The following TMEFF2 variants were observed in gnomAD, a reference collection of about 807,000 sequenced individuals.
TMEFF2 encodes transmembrane protein with EGF like and two follistatin like domains 2, also known as tomoregulin-2.
Under a neutral mutation model 53.8 loss-of-function variants are expected in TMEFF2, and 28 were observed. The ratio of observed to expected loss-of-function variants is 0.52; its 90% confidence interval spans 0.39 to 0.71. The LOEUF (loss-of-function observed/expected upper bound fraction) is 0.71, where lower values mean the gene tolerates loss of function less well. Ranked by LOEUF, TMEFF2 falls within the 30% of genes least tolerant of loss-of-function variation. The pLI is 0.00. For synonymous variants in TMEFF2, 162 were observed against 166.3 expected (o/e 0.97, Z 0.20); for missense variants, 353 against 455.2 (o/e 0.78, Z 2.04).
chr2:192,107,638 T>C (rs955460331), intron 4 of TMEFF2, among the ~76,000 whole-genome samples: 2 of 151,784 alleles, frequency 1.3e-5, no homozygotes, highest in African/African-American at 2.4e-5. Context: ...AAGTTTTTTA[T>C]AGACTTGGAA....
At chr2:192,125,983 T>C (rs1029306814) in intron 4 of TMEFF2, among the ~76,000 whole-genome samples, 10 of 152,170 alleles carry the variant, frequency 6.6e-5, no homozygotes, top group African/African-American at 2.2e-4. Flanking sequence ...CGTTTACTTA[T>C]ATAACAAACC....
chr2:191,961,517 C>T (rs1692272976), intron 7 of TMEFF2, among the ~76,000 whole-genome samples: 1 of 151,792 alleles, frequency 6.6e-6, no homozygotes, highest in Non-Finnish European at 1.5e-5. Flanking sequence ...TTACCCTCCC[C>T]GACTTACTGC....
At chr2:192,037,918 T>C (rs941513040) in intron 5 of TMEFF2, 3 of 152,268 alleles carry the variant, frequency 2.0e-5, no homozygotes, top group Non-Finnish European at 2.9e-5. Flanking sequence ...AAATTTGAGA[T>C]TGAACTCAAG....
At chr2:191,993,767 T>C (rs949004512) in intron 7 of TMEFF2, among the ~76,000 whole-genome samples, 17 of 152,074 alleles carry the variant, frequency 1.1e-4, no homozygotes, top group African/African-American at 4.1e-4. Context: ...TTCTATGCTC[T>C]AGGATGTTGT....
chr2:192,120,572 G>C (rs1574390486), intron 4 of TMEFF2, among the ~76,000 whole-genome samples: 2 of 152,134 alleles, frequency 1.3e-5, no homozygotes, highest in African/African-American at 4.8e-5. Context: ...GTGCCTTGTG[G>C]AGACTTTCTC....
chr2:192,081,498 T>A (rs1198713652), intron 4 of TMEFF2, among the ~76,000 whole-genome samples: 1 of 152,196 alleles, frequency 6.6e-6, no homozygotes, highest in Non-Finnish European at 1.5e-5. Context: ...TGAAATTTAA[T>A]TTCTACAGAA....
intron 4 of TMEFF2, chr2:192,177,715 A>G (rs1691080204): frequency 6.6e-6 from 1 of 151,122 alleles, no homozygotes; most frequent in Non-Finnish European, 1.5e-5. Context: ...AAGAAAATAA[A>G]GTGTTTTCCA....
chr2:192,054,187 T>C (rs936446873), intron 5 of TMEFF2, among the ~76,000 whole-genome samples: 10 of 151,426 alleles, frequency 6.6e-5, no homozygotes, highest in African/African-American at 2.4e-4. Flanking sequence ...ATACAAGATA[T>C]CATAGCCAAG....
At chr2:192,096,482 C>T (rs1288208586) in intron 4 of TMEFF2, among the ~76,000 whole-genome samples, 2 of 151,598 alleles carry the variant, frequency 1.3e-5, no homozygotes, top group Admixed American at 6.6e-5. Flanking sequence ...TTTATGCCTA[C>T]AAACAATTTT....
At chr2:192,185,958 T>C (rs531387861) in intron 2 of TMEFF2, among the ~76,000 whole-genome samples, 1 of 152,230 alleles carries the variant, frequency 6.6e-6, no homozygotes, top group Non-Finnish European at 1.5e-5. Flanking sequence ...ATGACAGTCA[T>C]ATTAAGATGA....
chr2:191,956,357 T>G lies in TMEFF2; in HGVS notation c.767A>C (p.Glu256Ala), dbSNP rs1692095052. 1.2e-6 allele frequency: 2 copies of G among 1,613,628 alleles called. No individual in the cohort carries two copies. The highest frequency in any genetic ancestry group is 1.7e-6 in the Non-Finnish European group (2 of 1,179,864). ...DYAENANKLE[E>A]SAREHHIPCP... ...AGGTATGTGGTGTTCTCTGGCACTTTCTTCTAATTTGTTAGCATTCTCTGT... is the reference window on the plus strand; with the variant it reads ...AGGTATGTGGTGTTCTCTGGCACTTGCTTCTAATTTGTTAGCATTCTCTGT... The change falls in exon 8 of 10, where the codon GAA becomes GCA. Residue 256 changes from glutamate (E) to alanine (A), a missense_variant. Around this residue, in one of 3 missense-constraint regions of TMEFF2, gnomAD observed 294 missense variants for 397.3 expected, o/e 0.74. Transcript: ENST00000272771.
At chr2:192,042,756 C>T (rs1021409475) in intron 5 of TMEFF2, among the ~76,000 whole-genome samples, 6 of 152,108 alleles carry the variant, frequency 3.9e-5, no homozygotes, top group South Asian at 2.1e-4. Context: ...CCACAGTGAG[C>T]GAATTAGAAA....
chr2:192,118,615 C>T (rs1689473631), intron 4 of TMEFF2, among the ~76,000 whole-genome samples: 1 of 152,144 alleles, frequency 6.6e-6, no homozygotes, highest in Non-Finnish European at 1.5e-5. Flanking sequence ...AGAGTGTATT[C>T]AGCACACCTA....
At chr2:191,957,785 A>G (rs916374002) in intron 7 of TMEFF2, among the ~76,000 whole-genome samples, 9 of 152,194 alleles carry the variant, frequency 5.9e-5, no homozygotes, top group Non-Finnish European at 8.8e-5. Flanking sequence ...ATGACATTTA[A>G]ATCATTAGTT....
chr2:192,188,823 T>TTTTC (rs72469535), intron 2 of TMEFF2, among the ~76,000 whole-genome samples: 1,731 of 60,090 alleles, frequency 0.029, 37 homozygotes, highest in Middle Eastern at 0.042. Context: ...TCCTCCCCGC[T>TTTTC]TTTCTATCTA....
intron 8 of TMEFF2, among the ~76,000 whole-genome samples, chr2:191,954,078 C>G (rs575367393): frequency 1.4e-3 from 206 of 151,718 alleles, no homozygotes; most frequent in African/African-American, 4.7e-3. Flanking sequence ...TAGTAGAGAC[C>G]GGGTTTCACC....
intron 7 of TMEFF2, among the ~76,000 whole-genome samples, chr2:191,991,127 GT>G (rs1686094751): frequency 6.6e-6 from 1 of 152,016 alleles, no homozygotes; most frequent in Non-Finnish European, 1.5e-5. Context: ...AATTTGCTTT[GT>G]GAATATTTAG....
At chr2:192,164,783 T>A (rs183139353) in intron 4 of TMEFF2, among the ~76,000 whole-genome samples, 101 of 152,144 alleles carry the variant, frequency 6.6e-4, no homozygotes, top group Middle Eastern at 3.4e-3. Flanking sequence ...TTTATTTGCA[T>A]GGTTCATGTC....
chr2:192,179,678 A>G lies in TMEFF2; in HGVS notation c.429T>C (p.Ser143=). The G allele has an allele frequency of 6.5e-7, 1 of 1,540,442 alleles. No individual in the cohort carries two copies. Among genetic ancestry groups the G allele is most frequent in the Non-Finnish European group, 8.7e-7 (1 of 1,149,432 alleles). Residue 143 remains serine, a synonymous_variant, in exon 4 of 10, where the codon TCT becomes TCC. Transcript: ENST00000272771. The stretch of plus-strand genomic sequence containing the variant: ...AAAGGCAACTCCTACCTCCATCTCC[A>G]GATCCTGATCCTGCATCTGTGGGGG... ...GSCATDAGSG[S]GDGVHEGSGE...
Sources: allele counts gnomAD v4.1 joint callset (sites outside exome capture counted in the v4.1 genomes callset), GRCh38; gene constraint gnomAD v4.1.1; regional missense constraint gnomAD v4.1.1; transcripts MANE v1.5; gene names NCBI Gene and HGNC (gene_info 2026-07-23, HGNC 2026-07-21).